ZNRF1: variants seen among roughly 807,000 people sequenced by gnomAD.
ZNRF1 encodes E3 ubiquitin-protein ligase ZNRF1.
ZNRF1 carries 3 observed loss-of-function variants against 18.4 expected under a neutral mutation model. The ratio of observed to expected loss-of-function variants is 0.16; its 90% CI spans 0.07 to 0.42. The LOEUF is 0.42. Among genes scored for constraint, ZNRF1 ranks in the 10% least tolerant of loss-of-function variants. ZNRF1 has a pLI of 0.99. For missense variants in ZNRF1, 310 were observed against 329.8 expected (o/e 0.94, Z 0.47); for synonymous variants, 157 against 144.2 (o/e 1.09, Z -0.64).
At chr16:75,017,560 T>C (rs1482348710) in intron 1 of ZNRF1, among the ~76,000 whole-genome samples, 1 of 152,190 alleles carries the variant, frequency 6.6e-6, no homozygotes, top group Non-Finnish European at 1.5e-5. Flanking sequence ...ACTTTTCAAG[T>C]TTAAGAAATC....
intron 1 of ZNRF1, among the ~76,000 whole-genome samples, chr16:75,009,669 C>T (rs565212634): frequency 5.9e-5 from 9 of 152,190 alleles, no homozygotes; most frequent in Non-Finnish European, 1.3e-4. Context: ...GGAATTGCTC[C>T]ATCATTTGGT....
intron 2 of ZNRF1, chr16:75,095,576 G>A: frequency 6.5e-7 from 1 of 1,529,946 alleles, no homozygotes; most frequent in South Asian, 1.2e-5. Context: ...GGCGTTCTCT[G>A]TAGACACTGC....
At chr16:75,056,420 G>T (rs746120464) in intron 1 of ZNRF1, among the ~76,000 whole-genome samples, 2 of 152,160 alleles carry the variant, frequency 1.3e-5, no homozygotes, top group African/African-American at 4.8e-5. Flanking sequence ...TAAAAGTGAG[G>T]TATAAGATTA....
chr16:75,064,250 A>G (rs1043305845), intron 1 of ZNRF1, among the ~76,000 whole-genome samples: 3 of 152,094 alleles, frequency 2.0e-5, no homozygotes, highest in Non-Finnish European at 2.9e-5. Context: ...GCGGTGAGCC[A>G]AGATTTGTGC....
At position 75,006,556 on chromosome 16, in the gene ZNRF1, C is replaced by T. The variant is rs113326474; in HGVS notation, c.424+6461C>T. 8.0e-3 allele frequency among the ~76,000 whole-genome samples: 1,224 copies of T among 152,338 alleles called. 7 individuals carry two copies. Among genetic ancestry groups the T allele is most frequent in the Non-Finnish European group, 0.011 (776 of 68,034 alleles). On this transcript the variant is annotated intron_variant, in intron 1 of 4. Transcript: ENST00000335325. ...GTTCAAGTGATTGGCCTGCCCCAGC[C>T]TCCCAAGTAGCTGGGATTACAGGCA... is the stretch of plus-strand genomic sequence containing the variant.
chr16:75,093,469 C>A, intron 1 of ZNRF1, 103 bp from the exon 2 acceptor site: 1 of 849,744 alleles, frequency 1.2e-6, no homozygotes, highest in Non-Finnish European at 2.0e-6. Flanking sequence ...TCATCCTCCA[C>A]ATTGACCCTG....
At position 75,020,466 on chromosome 16, in the gene ZNRF1, T is replaced by C. The variant is rs192431611; in HGVS notation, c.424+20371T>C. Among the ~76,000 whole-genome samples the C allele has an allele frequency of 6.4e-4, 97 of 152,306 alleles. 1 individual carries two copies. The highest frequency in any genetic ancestry group is 2.1e-3 in the African/African-American group (89 of 41,584). ...ATTTATTTAATATCATTAAATACAT[T>C]ATTATTTCATATCTTACTTTGTGCT... On this transcript the variant is annotated intron_variant, in intron 1 of 4. Transcript: ENST00000335325.
chr16:75,028,518 C>T (rs1237987424), intron 1 of ZNRF1, among the ~76,000 whole-genome samples: 7 of 152,374 alleles, frequency 4.6e-5, no homozygotes, highest in African/African-American at 7.2e-5. Flanking sequence ...TAGTCTCGAA[C>T]TTCTGACCTC....
chr16:75,010,711 G>GTTGTTTTTTTTTTTTT (rs1555509222), intron 1 of ZNRF1, among the ~76,000 whole-genome samples: 4 of 74,324 alleles, frequency 5.4e-5, no homozygotes, highest in Non-Finnish European at 1.3e-4. Flanking sequence ...GTTTTTTTTT[G>GTTGTTTTTTTTTTTTT]TTTTTTTGTT....
chr16:75,003,900 G>A (rs1229361296), intron 1 of ZNRF1, among the ~76,000 whole-genome samples: 1 of 152,122 alleles, frequency 6.6e-6, no homozygotes, highest in African/African-American at 2.4e-5. Flanking sequence ...TCTAAATGGA[G>A]AGTGGTGGAG....
intron 1 of ZNRF1, among the ~76,000 whole-genome samples, chr16:75,082,441 C>T (rs2036023977): frequency 6.6e-6 from 1 of 152,210 alleles, no homozygotes; most frequent in Non-Finnish European, 1.5e-5. Context: ...TACTGTACAG[C>T]AGGGTGGGTT....
chr16:75,070,140 G>A (rs950115040), intron 1 of ZNRF1, among the ~76,000 whole-genome samples: 2 of 152,142 alleles, frequency 1.3e-5, no homozygotes, highest in East Asian at 1.9e-4. Context: ...GTTCAGAGTC[G>A]GGTTGACCAG....
chr16:75,076,274 T>C (rs1191583540), intron 1 of ZNRF1, among the ~76,000 whole-genome samples: 3 of 152,200 alleles, frequency 2.0e-5, no homozygotes, highest in African/African-American at 7.2e-5. Flanking sequence ...CCAAACACTT[T>C]TGACATCTAA....
chr16:75,059,555 ATCT>A (rs1370224322), intron 1 of ZNRF1, among the ~76,000 whole-genome samples: 2 of 152,048 alleles, frequency 1.3e-5, no homozygotes, highest in Non-Finnish European at 2.9e-5. Context: ...AAAACTACCC[ATCT>A]TCTTACTTTT....
chr16:75,099,368 A>G (rs1398797993), intron 2 of ZNRF1, among the ~76,000 whole-genome samples: 1 of 151,932 alleles, frequency 6.6e-6, no homozygotes, highest in East Asian at 1.9e-4. Flanking sequence ...CCAGGGAGGG[A>G]GCAGAAGATG....
At chr16:75,076,311 C>A (rs575883194) in intron 1 of ZNRF1, among the ~76,000 whole-genome samples, 5 of 152,224 alleles carry the variant, frequency 3.3e-5, no homozygotes, top group Non-Finnish European at 5.9e-5. Flanking sequence ...TAGAATGTGG[C>A]ATCTTATTTC....
At chr16:75,058,276 T>C (rs1235841139) in intron 1 of ZNRF1, among the ~76,000 whole-genome samples, 4 of 152,168 alleles carry the variant, frequency 2.6e-5, no homozygotes. Flanking sequence ...CTTTGCTTTC[T>C]GTGCGGGAGC....
chr16:75,013,176 A>G (rs1301452736), intron 1 of ZNRF1, among the ~76,000 whole-genome samples: 1 of 152,198 alleles, frequency 6.6e-6, no homozygotes, highest in Non-Finnish European at 1.5e-5. Flanking sequence ...ACAGCATACA[A>G]GTAATTATAA....
chr16:75,036,565 T>C (rs937950912), intron 1 of ZNRF1, among the ~76,000 whole-genome samples: 1 of 149,046 alleles, frequency 6.7e-6, no homozygotes, highest in African/African-American at 2.5e-5. Context: ...CTTTCATCTG[T>C]TTCTTTTTTT....
Sources: allele counts gnomAD v4.1 joint callset (sites outside exome capture counted in the v4.1 genomes callset), GRCh38; gene constraint gnomAD v4.1.1; transcripts MANE v1.5; gene names NCBI Gene and HGNC (gene_info 2026-07-23, HGNC 2026-07-21).